The following NOL10 variants were observed in gnomAD, a reference collection of about 807,000 sequenced individuals.
NOL10 encodes H_NH0074G24.1.
Under a neutral mutation model 103.5 loss-of-function variants are expected in NOL10, and 58 were observed. The ratio of observed to expected loss-of-function variants is 0.56; its 90% confidence interval spans 0.45 to 0.70. The LOEUF is 0.70. Among genes scored for constraint, NOL10 ranks in the 30% least tolerant of loss-of-function variants. The pLI, the probability that NOL10 is intolerant of heterozygous loss-of-function variation, is 0.00. For synonymous variants in NOL10, 287 were observed against 282.5 expected, an observed-to-expected ratio of 1.02 and a Z score of -0.16; for missense variants, 763 against 807.3, an observed-to-expected ratio of 0.95 and a Z score of 0.67.
At chr2:10,678,258 C>A (rs185748789) in intron 3 of NOL10, among the ~76,000 whole-genome samples, 1 of 151,878 alleles carries the variant, frequency 6.6e-6, no homozygotes, top group East Asian at 1.9e-4. Flanking sequence ...TGCTGTGTTG[C>A]TCAAGCTGGT....
chr2:10,649,719 G>C lies in NOL10; in HGVS notation c.973+4762C>G, dbSNP rs543566528. ...AGCAAACTGTCTCTGTAAAGGGCCA[G>C]GCAGTACACACTTCAGGCTCTGCAG... On this transcript the variant is annotated intron_variant, in intron 12 of 20. Coordinates refer to ENST00000381685, the MANE Select transcript of NOL10 (RefSeq NM_024894.4). Among the ~76,000 whole-genome samples the C allele has an allele frequency of 1.1e-4, 16 of 152,274 alleles. No individual in the cohort carries two copies. In the South Asian group the frequency reaches 3.1e-3, roughly 30 times the overall value.
At chr2:10,651,026 C>T (rs1294085061) in intron 12 of NOL10, among the ~76,000 whole-genome samples, 2 of 152,132 alleles carry the variant, frequency 1.3e-5, no homozygotes, top group Non-Finnish European at 2.9e-5. Context: ...CAAGTAGTCA[C>T]ACCCTTTGTG....
intron 2 of NOL10, among the ~76,000 whole-genome samples, chr2:10,683,474 T>C (rs986816989): frequency 2.0e-5 from 3 of 152,188 alleles, no homozygotes; most frequent in Admixed American, 6.5e-5. Context: ...CGATAAGATT[T>C]TGATACACAA....
rs1001607890 is a variant in NOL10 at position 10,590,511 on chromosome 2, TG to T, written c.1423-761del. On this transcript the variant is annotated intron_variant, in intron 17 of 20. Transcript: ENST00000381685. ...AGGTATACAAAGTCAGTAACTCACA[TG>T]GTGGGATGCAGGAAGCTGGTGATGT... 8.5e-5 allele frequency among the ~76,000 whole-genome samples: 13 copies of T among 152,312 alleles called. No individual in the cohort carries two copies. In the South Asian group the frequency reaches 2.7e-3, roughly 32 times the overall value.
chr2:10,609,138 A>G (rs1160143670), intron 13 of NOL10, among the ~76,000 whole-genome samples: 2 of 152,084 alleles, frequency 1.3e-5, no homozygotes, highest in African/African-American at 4.8e-5. Context: ...GAAGAAGTTT[A>G]AAATCCAGCT....
At position 10,642,694 on chromosome 2, in the gene NOL10, T is replaced by C. The variant is rs1386458259; in HGVS notation, c.1026+1626A>G. ...ACTGAAAAGGAAAAAAAAACCCTTC[T>C]CCCACTGGGCACCTCACTCCACCCC... On this transcript the variant is annotated intron_variant, in intron 13 of 20. Coordinates refer to ENST00000381685, the MANE Select transcript of NOL10 (RefSeq NM_024894.4). 2.6e-5 allele frequency among the ~76,000 whole-genome samples: 4 copies of C among 151,924 alleles called. No homozygotes were observed. In the East Asian group the frequency reaches 7.7e-4, roughly 29 times the overall value.
chr2:10,608,613 C>A (rs980117272), intron 13 of NOL10, among the ~76,000 whole-genome samples: 1 of 151,956 alleles, frequency 6.6e-6, no homozygotes, highest in Admixed American at 6.6e-5. Context: ...TGGAAAAAAA[C>A]CCAGAAATCA....
At position 10,654,475 on chromosome 2, in the gene NOL10, G is replaced by T; in HGVS notation, c.973+6C>A. On this transcript the variant is annotated splice_donor_region_variant and intron_variant, in intron 12 of 20. Transcript: ENST00000381685. ...TCTCACTGAACGTTCACTACAGAAT[G>T]CATACCTGAGTTGGGGTAGAGACAA... 6.3e-7 allele frequency: 1 copy of T among 1,576,902 alleles called. No individual in the cohort carries two copies.
Position 10,683,478 on chromosome 2 carries a change from T to A in NOL10, c.112+1089A>T, listed in dbSNP as rs114793333. 9.5e-3 allele frequency among the ~76,000 whole-genome samples: 1,453 copies of A among 152,298 alleles called. 30 individuals are homozygous for A. The highest frequency in any genetic ancestry group is 0.033 in the African/African-American group (1,389 of 41,554). ...TTTAATTTACACGATAAGATTTTGA[T>A]ACACAAGAGAGCAAAGCAATTAGGG... On this transcript the variant is annotated intron_variant, in intron 2 of 20. Coordinates refer to ENST00000381685, the MANE Select transcript of NOL10 (RefSeq NM_024894.4).
At chr2:10,573,916 T>C (rs1299890225) in intron 20 of NOL10, among the ~76,000 whole-genome samples, 2 of 152,170 alleles carry the variant, frequency 1.3e-5, no homozygotes, top group Non-Finnish European at 2.9e-5. Context: ...CTCTGCTTCC[T>C]TTCAAATATC....
chr2:10,671,829 A>G (rs1187228134), intron 5 of NOL10, 139 bp from the exon 6 acceptor site: 3 of 598,616 alleles, frequency 5.0e-6, no homozygotes, highest in Non-Finnish European at 8.8e-6. Context: ...GTCCATGCAC[A>G]CACACTCCAC....
At position 10,649,142 on chromosome 2, in the gene NOL10, G is replaced by A. The variant is rs543505120; in HGVS notation, c.974-4770C>T. Among the ~76,000 whole-genome samples, 3 of 152,092 alleles carry A rather than the reference G, an allele frequency of 2.0e-5. No individual in the cohort carries two copies. The South Asian group carries it at 6.2e-4, about 32-fold the overall frequency. Reference sequence around the variant, plus strand: ...AATGCCACCCTGGGTGCAGGTGAGTGCCACCATGTCTGCAGCTGGCTTTCG... The same window carrying A: ...AATGCCACCCTGGGTGCAGGTGAGTACCACCATGTCTGCAGCTGGCTTTCG... On this transcript the variant is annotated intron_variant, in intron 12 of 20. Coordinates refer to ENST00000381685, the MANE Select transcript of NOL10 (RefSeq NM_024894.4).
chr2:10,588,302 T>C (rs534578079), intron 19 of NOL10, among the ~76,000 whole-genome samples: 105 of 152,332 alleles, frequency 6.9e-4, no homozygotes, highest in African/African-American at 2.4e-3. Flanking sequence ...ACATTCACAC[T>C]GTTGTACAAC....
chr2:10,616,877 A>G (rs1341765904), intron 13 of NOL10, among the ~76,000 whole-genome samples: 1 of 152,076 alleles, frequency 6.6e-6, no homozygotes, highest in East Asian at 1.9e-4. Context: ...CAGGTTGCCT[A>G]AGCTCCCTCC....
rs114967286 is a variant in NOL10, at chr2:10,584,581, T to C, written c.1844+4462A>G. On this transcript the variant is annotated intron_variant, in intron 19 of 20. Coordinates refer to ENST00000381685, the MANE Select transcript of NOL10 (RefSeq NM_024894.4). ...CATTCAATCTGATGTTGTCTCTTGT[T>C]GACTGGCTTGCGGTAACTTGCAGAA... 5.0e-3 allele frequency among the ~76,000 whole-genome samples: 769 copies of C among 152,324 alleles called. 8 individuals carry two copies. The highest frequency in any genetic ancestry group is 0.018 in the African/African-American group (735 of 41,554).
intron 13 of NOL10, among the ~76,000 whole-genome samples, chr2:10,643,830 C>T (rs1474418801): frequency 1.3e-5 from 2 of 152,130 alleles, no homozygotes; most frequent in African/African-American, 2.4e-5. Flanking sequence ...TTAAACAGTT[C>T]CCATAAAAGA....
At chr2:10,657,685 G>A (rs1679930818) in intron 11 of NOL10, 57 bp downstream of exon 11, 3 of 1,430,602 alleles carry the variant, frequency 2.1e-6, no homozygotes, top group South Asian at 2.6e-5. Flanking sequence ...GAGAGGAAAG[G>A]ATCATTCGGA....
At chr2:10,634,698 AT>A (rs1262208559) in intron 13 of NOL10, 10 of 432,412 alleles carry the variant, frequency 2.3e-5, no homozygotes, top group Admixed American at 2.0e-4. Context: ...GCTCACTAAC[AT>A]TCAGAGGTCA....
At chr2:10,610,774 C>T (rs1017613593) in intron 13 of NOL10, among the ~76,000 whole-genome samples, 27 of 152,256 alleles carry the variant, frequency 1.8e-4, no homozygotes, top group African/African-American at 5.8e-4. Context: ...ATATGTTAAA[C>T]CTCAACTAAT....
Sources: gnomAD v4.1 joint callset for allele counts (sites outside exome capture counted in the v4.1 genomes callset) on GRCh38, gnomAD v4.1.1 for gene constraint, MANE v1.5 for transcripts, NCBI Gene and HGNC (gene_info 2026-07-23, HGNC 2026-07-21) for gene names.